RGN: variants seen among roughly 807,000 people sequenced by gnomAD.
RGN encodes epididymis secretory protein Li 41.
RGN carries 19 observed loss-of-function variants against 20.6 expected under a neutral mutation model. The ratio of observed to expected loss-of-function variants is 0.92; its 90% CI spans 0.64 to 1.35. The LOEUF (loss-of-function observed/expected upper bound fraction) is 1.35, where lower values mean the gene tolerates loss of function less well. Among genes scored for constraint, RGN ranks in the 40% most tolerant of loss-of-function variants. RGN has a pLI of 0.00. For missense variants in RGN, 302 were observed against 232.7 expected (o/e 1.30, Z -1.94); for synonymous variants, 85 against 87.2 (o/e 0.97, Z 0.14).
intron 4 of RGN, among the ~76,000 whole-genome samples, chrX:47,089,149 G>A (rs1930756362): frequency 3.4e-5 from 1 of 29,464 alleles, no homozygotes; most frequent in Non-Finnish European, 7.8e-5. Context: ...AGCCGAGACT[G>A]CATTACTGCA....
intron 4 of RGN, among the ~76,000 whole-genome samples, chrX:47,086,381 C>CA (rs1930590934): frequency 9.0e-6 from 1 of 111,660 alleles, no homozygotes; most frequent in Non-Finnish European, 1.9e-5. Context: ...ATTTTTAATG[C>CA]AATTTATAAG....
intron 4 of RGN, 127 bp downstream of exon 4, chrX:47,084,727 G>A: frequency 1.8e-6 from 1 of 553,551 alleles, no homozygotes; most frequent in Non-Finnish European, 2.8e-6. Flanking sequence ...GCCAAGGCGA[G>A]TAGGTCGCAT....
At position 47,093,040 on chromosome X, in the gene RGN, C is replaced by T; in HGVS notation, c.*93C>T. 1.5e-6 allele frequency: 1 copy of T among 688,237 alleles called. No individual in the cohort carries two copies. The allele number at this position is 688,237 out of a possible 1,213,427, so 56.7% of individuals were successfully genotyped here. On this transcript the variant is annotated 3_prime_UTR_variant, in exon 8 of 8. Coordinates refer to ENST00000397180, the MANE Select transcript of RGN (RefSeq NM_152869.4). The stretch of plus-strand genomic sequence containing the variant: ...AATCTAGTTAGAAAGAAAAATGAGG[C>T]AATGATTTTATTAACAGCGTTAAGT...
chrX:47,093,140 G>A lies in RGN; in HGVS notation c.*193G>A, dbSNP rs1329364161. On this transcript the variant is annotated 3_prime_UTR_variant, in exon 8 of 8. Coordinates refer to ENST00000397180, the MANE Select transcript of RGN (RefSeq NM_152869.4). ...GGTGGTTTTGATAACACACTTATAA[G>A]GCTTTCTGTAAAAGGTACTATAGAA... The A allele has an allele frequency of 1.4e-5, 6 of 420,933 alleles. No homozygotes were observed. In the African/African-American group the frequency reaches 1.5e-4, roughly 11 times the overall value. The allele number at this position is 420,933 out of a possible 1,213,427, so 34.7% of individuals were successfully genotyped here. A position where few individuals can be genotyped will look rare whatever the true frequency, so the allele number is the denominator to read the frequency against.
chrX:47,090,915 GGAAAGAAAGAAAGAAA>G (rs1167092040), intron 5 of RGN, among the ~76,000 whole-genome samples: 919 of 51,917 alleles, frequency 0.018, 68 homozygotes, highest in South Asian at 0.039. Flanking sequence ...GAAAGAAGAA[GGAAAGAAAGAAAGAAA>G]GAAAGAAAGA....
At chrX:47,086,554 G>A (rs1930596079) in intron 4 of RGN, among the ~76,000 whole-genome samples, 1 of 110,203 alleles carries the variant, frequency 9.1e-6, no homozygotes, top group African/African-American at 3.3e-5. Flanking sequence ...TCATAAGACT[G>A]TAGTCAAGCT....
Position 47,087,955 on chromosome X carries a change from T to TATATTATATTAATATATA in RGN, c.347-1809_347-1792dup, listed in dbSNP as rs1303749141. ...TTATATAATATATAATACAACTATA[T>TATATTATATTAATATATA]ATATTATATTAATATATAATATTAT... On this transcript the variant is annotated intron_variant, in intron 4 of 7. Transcript: ENST00000397180. Among the ~76,000 whole-genome samples the TATATTATATTAATATATA allele has an allele frequency of 3.0e-5, 3 of 100,142 alleles. No homozygotes were observed. The East Asian group carries it at 8.8e-4, about 29-fold the overall frequency. The allele number at this position is 100,142 out of a possible 115,157, so 87.0% of individuals were successfully genotyped here.
chrX:47,079,597 A>AT (rs1556380477), intron 1 of RGN, among the ~76,000 whole-genome samples: 1 of 107,059 alleles, frequency 9.3e-6, no homozygotes, highest in African/African-American at 3.4e-5. Flanking sequence ...TGCCCAGCCA[A>AT]TTTTTTTGTA....
chrX:47,084,612 C>T lies in RGN; in HGVS notation c.346+12C>T. The T allele has an allele frequency of 1.7e-6, 2 of 1,148,762 alleles. No individual in the cohort carries two copies. The highest frequency in any genetic ancestry group is 6.3e-5 in the East Asian group (2 of 31,774). The allele number at this position is 1,148,762 out of a possible 1,213,427, so 94.7% of individuals were successfully genotyped here. A position where few individuals can be genotyped will look rare whatever the true frequency, so the allele number is the denominator to read the frequency against. Reference sequence around the variant, plus strand: ...GAGGTACTTTGCTGGTAAGATTTCTCTTAACACCTACTTATTACTGAGCCT... The same window carrying T: ...GAGGTACTTTGCTGGTAAGATTTCTTTTAACACCTACTTATTACTGAGCCT... On this transcript the variant is annotated intron_variant, in intron 4 of 7. Transcript: ENST00000397180.
intron 4 of RGN, among the ~76,000 whole-genome samples, 158 bp from the exon 5 acceptor site, chrX:47,089,618 C>T (rs868924367): frequency 4.1e-5 from 2 of 48,314 alleles, no homozygotes; most frequent in African/African-American, 7.6e-5. Context: ...CACACACACA[C>T]ACACACACAC....
intron 4 of RGN, among the ~76,000 whole-genome samples, chrX:47,087,234 G>A (rs782744206): frequency 4.3e-4 from 48 of 111,339 alleles, no homozygotes; most frequent in African/African-American, 1.5e-3. Flanking sequence ...CCACACTGCC[G>A]CCTCACATTG....
chrX:47,089,688 CT>C, intron 4 of RGN, 87 bp from the exon 5 acceptor site: 1 of 626,572 alleles, frequency 1.6e-6, no homozygotes, highest in East Asian at 3.5e-5. Flanking sequence ...GATTTAATCA[CT>C]GGAAAGGATC....
At chrX:47,081,777 G>C (rs1930336095) in intron 3 of RGN, among the ~76,000 whole-genome samples, 1 of 111,361 alleles carries the variant, frequency 9.0e-6, no homozygotes, top group Non-Finnish European at 1.9e-5. Context: ...AAACTCCTGG[G>C]CTCAAGAGAT....
chrX:47,079,364 T>G lies in RGN; in HGVS notation c.-636+655T>G, dbSNP rs782393698. Among the ~76,000 whole-genome samples the G allele has an allele frequency of 9.4e-4, 94 of 99,997 alleles. No homozygotes were observed. In the South Asian group the frequency reaches 0.03, roughly 32 times the overall value. 86.8% of individuals were successfully genotyped at this position (99,997 alleles called of 115,157 possible). A position where few individuals can be genotyped will look rare whatever the true frequency, so the allele number is the denominator to read the frequency against. ...CTGAGGTTTTTTTGTTTGTTTTTTTTTTTGTTTTGTTTTGGTTTGGTTTGG... is the reference window on the plus strand; with the variant it reads ...CTGAGGTTTTTTTGTTTGTTTTTTTGTTTGTTTTGTTTTGGTTTGGTTTGG... On this transcript the variant is annotated intron_variant, in intron 1 of 7. Transcript: ENST00000397180.
At chrX:47,086,734 G>GGAGAGAGAGAGAGAGAGAGAGAGAGA (rs781935920) in intron 4 of RGN, among the ~76,000 whole-genome samples, 5 of 50,501 alleles carry the variant, frequency 9.9e-5, no homozygotes, top group Non-Finnish European at 2.0e-4. Flanking sequence ...AGTGATAACA[G>GGAGAGAGAGAGAGAGAGAGAGAGAGA]GAGAGAGAGA....
intron 1 of RGN, among the ~76,000 whole-genome samples, chrX:47,079,320 T>G (rs1930175396): frequency 9.3e-6 from 1 of 107,773 alleles, no homozygotes; most frequent in South Asian, 4.1e-4. Flanking sequence ...AGGCAGTTTG[T>G]ATTTGGGACC....
At chrX:47,083,919 AAC>A (rs71899902) in intron 3 of RGN, among the ~76,000 whole-genome samples, 6,424 of 108,456 alleles carry the variant, frequency 0.059, 522 homozygotes, top group African/African-American at 0.21. Context: ...TCTCAAACAA[AAC>A]AAACAAAAAA....
chrX:47,082,456 A>G (rs7877675), intron 3 of RGN, among the ~76,000 whole-genome samples: 1,163 of 109,161 alleles, frequency 0.011, 9 homozygotes, highest in African/African-American at 0.036. Flanking sequence ...AACCACAGGC[A>G]TGTGCCACCA....
At chrX:47,091,164 T>C (rs1422718199) in intron 5 of RGN, among the ~76,000 whole-genome samples, 1 of 111,264 alleles carries the variant, frequency 9.0e-6, no homozygotes, top group Non-Finnish European at 1.9e-5. Context: ...ACCTAGTTTG[T>C]TTCTGAGTGC....
Sources: allele counts gnomAD v4.1 joint callset (sites outside exome capture counted in the v4.1 genomes callset), GRCh38; gene constraint gnomAD v4.1.1; transcripts MANE v1.5; gene names NCBI Gene and HGNC (gene_info 2026-07-23, HGNC 2026-07-21).